The following AKR1A1 variants were observed in gnomAD, a reference collection of about 807,000 sequenced individuals.
AKR1A1 encodes HEL-S-165mP.
Under a neutral mutation model 39.2 loss-of-function variants are expected in AKR1A1, and 26 were observed. The observed-to-expected ratio is 0.66, with a 90% CI of 0.49 to 0.92. AKR1A1 has a LOEUF of 0.92. AKR1A1 is among the 40% of genes least tolerant of loss of function. AKR1A1 has a pLI of 0.00. For missense variants in AKR1A1, 378 were observed against 406.5 expected (o/e 0.93, Z 0.60); for synonymous variants, 141 against 155.5 (o/e 0.91, Z 0.69).
intron 8 of AKR1A1, 75 bp from the exon 9 acceptor site, chr1:45,569,816 A>G (rs1450822049): frequency 7.3e-7 from 1 of 1,367,100 alleles, no homozygotes; most frequent in East Asian, 2.3e-5. Context: ...GTTTAGGAAG[A>G]TTTGGGGAAG....
chr1:45,561,527 C>G (rs951946617), intron 1 of AKR1A1, among the ~76,000 whole-genome samples: 1 of 152,138 alleles, frequency 6.6e-6, no homozygotes, highest in Non-Finnish European at 1.5e-5. Context: ...CCTCAGCCCC[C>G]CGAGCAGCTG....
In AKR1A1 at chr1:45,563,656, G is replaced by C. The variant is rs147764084; in HGVS notation, c.84+1778G>C. Among the ~76,000 whole-genome samples, 524 of 152,196 alleles carry C rather than the reference G, an allele frequency of 3.4e-3. 1 individual carries two copies. The highest frequency in any genetic ancestry group is 0.011 in the African/African-American group (464 of 41,522). On this transcript the variant is annotated intron_variant, in intron 2 of 8. Coordinates refer to ENST00000351829, the MANE Select transcript of AKR1A1 (RefSeq NM_153326.3). ...AATGCAAAATTAGCCAGGCGTGGTGGTGCATGCCTGTAATCCCAGCTACTC... is the reference window on the plus strand; with the variant it reads ...AATGCAAAATTAGCCAGGCGTGGTGCTGCATGCCTGTAATCCCAGCTACTC...
rs200920279 is a variant in AKR1A1, at chr1:45,567,984, G to A, written c.359G>A (p.Arg120Gln). Reference sequence around the variant, plus strand: ...TGGTGGGGCTGTCTCTCACTCAGGCGGGGAGACAACCCCTTCCCCAAGAAT... The same window carrying A: ...TGGTGGGGCTGTCTCTCACTCAGGCAGGGAGACAACCCCTTCCCCAAGAAT... Reference protein sequence around the residue: ...YLMHWPYAFERGDNPFPKNAD... With the variant: ...YLMHWPYAFEQGDNPFPKNAD... Residue 120 changes from arginine (R) to glutamine (Q), a missense_variant and splice_region_variant, in exon 5 of 9, where the codon CGG (arginine) becomes CAG (glutamine). Physicochemically the swap from Arg to Gln is conservative, Grantham distance 43 (BLOSUM62 1). Transcript: ENST00000351829. 13 of 1,610,766 alleles carry A rather than the reference G, an allele frequency of 8.1e-6. No individual in the cohort carries two copies. The highest frequency in any genetic ancestry group is 4.0e-5 in the African/African-American group (3 of 74,818).
At position 45,569,898 on chromosome 1, in the gene AKR1A1, G is replaced by A. The variant is rs972271260; in HGVS notation, c.920G>A (p.Gly307Glu). The change falls in exon 9 of 9, where the codon GGG becomes GAG. Residue 307 changes from glycine (G) to glutamate (E), a missense_variant. Transcript: ENST00000351829. ...RYIVPMLTVD[G>E]KRVPRDAGHP... Reference sequence around the variant, plus strand: ...ATCTGTCTCTCTTTCCAGGTGGATGGGAAGAGAGTCCCAAGGGATGCAGGG... The same window carrying A: ...ATCTGTCTCTCTTTCCAGGTGGATGAGAAGAGAGTCCCAAGGGATGCAGGG... The A allele has an allele frequency of 6.2e-7, 1 of 1,613,958 alleles. No individual in the cohort carries two copies. Among genetic ancestry groups the A allele is most frequent in the Non-Finnish European group, 8.5e-7 (1 of 1,179,872 alleles).
At chr1:45,560,090 C>T (rs1050721541) in intron 1 of AKR1A1, among the ~76,000 whole-genome samples, 5 of 151,736 alleles carry the variant, frequency 3.3e-5, no homozygotes, top group East Asian at 1.9e-4. Flanking sequence ...CGGGTTCAAA[C>T]GATTCTCCCG....
chr1:45,557,328 G>C (rs1263695059), intron 1 of AKR1A1, among the ~76,000 whole-genome samples: 1 of 151,974 alleles, frequency 6.6e-6, no homozygotes, highest in East Asian at 1.9e-4. Flanking sequence ...TCAAGCAGAA[G>C]ATGAGGAAGT....
Position 45,561,856 on chromosome 1 carries a change from C to T in AKR1A1, c.62C>T (p.Thr21Ile), listed in dbSNP as rs749029584. Residue 21 changes from threonine (T) to isoleucine (I), a missense_variant, in exon 2 of 9, where the codon ACC (threonine) becomes ATC (isoleucine). By Grantham distance (89) the Thr-to-Ile change is moderately conservative. Coordinates refer to ENST00000351829, the MANE Select transcript of AKR1A1 (RefSeq NM_153326.3). The part of the protein sequence containing the change: ...GQKMPLIGLG[T>I]WKSEPGQVKA... ...AAGATGCCTCTGATTGGTCTGGGTA[C>T]CTGGAAGAGTGAGCCTGGTCAGGTG... 1.9e-6 allele frequency: 3 copies of T among 1,614,036 alleles called. No individual in the cohort carries two copies. In the South Asian group the frequency reaches 3.3e-5, roughly 18 times the overall value.
chr1:45,568,041 A>G lies in AKR1A1; in HGVS notation c.416A>G (p.His139Arg). The change falls in exon 5 of 9, where the codon CAC becomes CGC. Residue 139 changes from histidine to arginine, a missense_variant. His to Arg is a conservative substitution (Grantham distance 29, BLOSUM62 0). Transcript: ENST00000351829. ...ADGTICYDST[H>R]YKETWKALEA... is the part of the protein sequence containing the mutation. ...GGGACTATATGCTACGACTCCACCCACTACAAGGAGACTTGGAAGGCTCTG... is the reference window on the plus strand; with the variant it reads ...GGGACTATATGCTACGACTCCACCCGCTACAAGGAGACTTGGAAGGCTCTG... 1 of 1,613,980 alleles carries G rather than the reference A, an allele frequency of 6.2e-7. No individual in the cohort carries two copies. The highest frequency in any genetic ancestry group is 8.5e-7 in the Non-Finnish European group (1 of 1,180,004).
At chr1:45,566,769 T>C in intron 3 of AKR1A1, 81 bp downstream of exon 3, 1 of 1,596,662 alleles carries the variant, frequency 6.3e-7, no homozygotes, top group Non-Finnish European at 8.5e-7. Context: ...CTGGAGGGAA[T>C]CTGGCATCAG....
rs1448671277 is a variant in AKR1A1, at chr1:45,566,856, C to T, written c.205-13C>T. The T allele has an allele frequency of 5.0e-6, 8 of 1,612,440 alleles. No homozygotes were observed. Among genetic ancestry groups the T allele is most frequent in the African/African-American group, 1.3e-5 (1 of 74,920 alleles). On this transcript the variant is annotated splice_polypyrimidine_tract_variant and intron_variant, in intron 3 of 8. Coordinates refer to ENST00000351829, the MANE Select transcript of AKR1A1 (RefSeq NM_153326.3). ...ATGGCTCTTCTCACTGTGGGCCCTGCCCCCTGCACTAGGCGGTGCCTCGGG... is the reference window on the plus strand; with the variant it reads ...ATGGCTCTTCTCACTGTGGGCCCTGTCCCCTGCACTAGGCGGTGCCTCGGG...
chr1:45,565,122 A>ATTTTT (rs11351880), intron 2 of AKR1A1, among the ~76,000 whole-genome samples: 3 of 53,588 alleles, frequency 5.6e-5, no homozygotes, highest in Non-Finnish European at 6.3e-5. Context: ...ACACCCAGCC[A>ATTTTT]TTTTTTTTTT....
At chr1:45,567,134 A>C in intron 4 of AKR1A1, 114 bp downstream of exon 4, 1 of 1,394,966 alleles carries the variant, frequency 7.2e-7, no homozygotes, top group African/African-American at 1.4e-5. Flanking sequence ...TTGCATGCCA[A>C]GCTGAGGAGC....
chr1:45,552,212 C>T (rs912362484), intron 1 of AKR1A1, among the ~76,000 whole-genome samples: 4 of 151,764 alleles, frequency 2.6e-5, no homozygotes, highest in East Asian at 3.9e-4. Context: ...GGGGGTCTCT[C>T]GGTCTTTTGC....
chr1:45,553,517 T>G (rs1217030248), intron 1 of AKR1A1, among the ~76,000 whole-genome samples: 2 of 152,208 alleles, frequency 1.3e-5, no homozygotes, highest in African/African-American at 2.4e-5. Flanking sequence ...TATTTTAAAA[T>G]TCTTTTCACA....
At chr1:45,556,441 T>G (rs1024820615) in intron 1 of AKR1A1, among the ~76,000 whole-genome samples, 5 of 149,064 alleles carry the variant, frequency 3.4e-5, no homozygotes, top group Admixed American at 1.3e-4. Flanking sequence ...ATTAGCCAGG[T>G]GTGGTGGTGG....
In AKR1A1 at chr1:45,569,993, CTAA is replaced by C. The variant is rs1644394063; in HGVS notation, c.*39_*41del. 1 of 1,575,810 alleles carries C rather than the reference CTAA, an allele frequency of 6.3e-7. No homozygotes were observed. The highest frequency in any genetic ancestry group is 8.7e-7 in the Non-Finnish European group (1 of 1,145,356). On this transcript the variant is annotated 3_prime_UTR_variant, in exon 9 of 9. Transcript: ENST00000351829. Reference sequence around the variant, plus strand: ...CTTGGCCTCCCTTCCAGCTCTGCAGCTAATGAGGTCCTGCCACAACGGAAAGAG... The same window carrying C: ...CTTGGCCTCCCTTCCAGCTCTGCAGCTGAGGTCCTGCCACAACGGAAAGAG...
chr1:45,565,215 C>CA (rs1644325853), intron 2 of AKR1A1, among the ~76,000 whole-genome samples: 1 of 149,614 alleles, frequency 6.7e-6, no homozygotes. Context: ...ACTGTAACCT[C>CA]CACCTCCCAG....
Position 45,554,811 on chromosome 1 carries a change from C to G in AKR1A1, c.-7+3656C>G, listed in dbSNP as rs1484569282. On this transcript the variant is annotated intron_variant, in intron 1 of 8. Coordinates refer to ENST00000351829, the MANE Select transcript of AKR1A1 (RefSeq NM_153326.3). ...GCTCAAGGGATCCTCCTGCCTCAGCCCCCTGAGTAGCTAGGACCATAGAGA... is the reference window on the plus strand; with the variant it reads ...GCTCAAGGGATCCTCCTGCCTCAGCGCCCTGAGTAGCTAGGACCATAGAGA... 7.2e-5 allele frequency among the ~76,000 whole-genome samples: 11 copies of G among 152,168 alleles called. No individual in the cohort carries two copies. In the South Asian group the frequency reaches 1.5e-3, roughly 20 times the overall value.
intron 1 of AKR1A1, among the ~76,000 whole-genome samples, chr1:45,559,796 C>T (rs554865010): frequency 8.1e-5 from 12 of 148,632 alleles, no homozygotes; most frequent in Non-Finnish European, 1.5e-4. Context: ...TATAGGCACC[C>T]GCCACCATGC....
Sources: gnomAD v4.1 joint callset for allele counts (sites outside exome capture counted in the v4.1 genomes callset) on GRCh38, gnomAD v4.1.1 for gene constraint, MANE v1.5 for transcripts, NCBI Gene and HGNC (gene_info 2026-07-23, HGNC 2026-07-21) for gene names.